MBOAT2: variants seen among roughly 807,000 people sequenced by gnomAD.
MBOAT2 encodes membrane bound glycerophospholipid O-acyltransferase 2, also known as membrane-bound glycerophospholipid O-acyltransferase 2.
Under a neutral mutation model 63.4 loss-of-function variants are expected in MBOAT2, and 28 were observed. The ratio of observed to expected loss-of-function variants is 0.44; its 90% CI spans 0.33 to 0.61. The LOEUF is 0.61. Ranked by LOEUF, MBOAT2 falls within the 20% of genes least tolerant of loss-of-function variation. The pLI is 0.03. For missense variants in MBOAT2, 470 were observed against 605.8 expected (o/e 0.78, Z 2.35); for synonymous variants, 211 against 215.6 (o/e 0.98, Z 0.19).
At chr2:8,970,269 T>A (rs1308002086) in intron 1 of MBOAT2, among the ~76,000 whole-genome samples, 1 of 152,230 alleles carries the variant, frequency 6.6e-6, no homozygotes, top group Non-Finnish European at 1.5e-5. Context: ...CCTGAATGAT[T>A]ACTGGGTACA....
At chr2:8,951,665 G>A (rs146370643) in intron 2 of MBOAT2, among the ~76,000 whole-genome samples, 7 of 152,254 alleles carry the variant, frequency 4.6e-5, no homozygotes, top group African/African-American at 1.7e-4. Context: ...TTAAGAGACT[G>A]TGTATTTCCA....
intron 1 of MBOAT2, among the ~76,000 whole-genome samples, chr2:8,971,620 A>T (rs1300446857): frequency 6.6e-6 from 1 of 152,214 alleles, no homozygotes; most frequent in African/African-American, 2.4e-5. Context: ...AGAAAACCCC[A>T]TCGTCTCAGC....
chr2:8,874,543 T>A (rs981199739), intron 7 of MBOAT2, among the ~76,000 whole-genome samples: 5 of 152,130 alleles, frequency 3.3e-5, no homozygotes, highest in Admixed American at 6.5e-5. Flanking sequence ...GGTTCTGAAG[T>A]AGGGCAGGGA....
At chr2:8,864,404 G>A (rs540759518) in intron 9 of MBOAT2, among the ~76,000 whole-genome samples, 170 bp from the exon 10 acceptor site, 6 of 151,786 alleles carry the variant, frequency 4.0e-5, no homozygotes, top group South Asian at 2.1e-4. Context: ...ATCATTCTAC[G>A]TAAGACAAGT....
At chr2:8,866,481 A>G (rs899653427) in intron 9 of MBOAT2, among the ~76,000 whole-genome samples, 5 of 152,238 alleles carry the variant, frequency 3.3e-5, no homozygotes, top group African/African-American at 4.8e-5. Context: ...TTTATTGCCA[A>G]CATTGTTGTT....
chr2:8,904,238 T>G (rs1270146505), intron 4 of MBOAT2, among the ~76,000 whole-genome samples: 1 of 152,114 alleles, frequency 6.6e-6, no homozygotes, highest in Non-Finnish European at 1.5e-5. Flanking sequence ...CCTCCCAAAG[T>G]GCTAAGATTG....
intron 1 of MBOAT2, among the ~76,000 whole-genome samples, chr2:8,984,410 T>A (rs1671410988): frequency 6.6e-6 from 1 of 152,336 alleles, no homozygotes; most frequent in Non-Finnish European, 1.5e-5. Flanking sequence ...CATACATACA[T>A]ACGTTTGTGG....
At chr2:8,961,784 G>A (rs1323979687) in intron 1 of MBOAT2, among the ~76,000 whole-genome samples, 1 of 152,132 alleles carries the variant, frequency 6.6e-6, no homozygotes, top group Non-Finnish European at 1.5e-5. Context: ...TCCACCCGCA[G>A]GGGGCATAAT....
Position 8,882,556 on chromosome 2 carries a change from C to G in MBOAT2, c.461G>C (p.Arg154Pro), listed in dbSNP as rs780868284. ...TGAGGAAGTCAGTTCTTCATCCTTCCGAAACATCCCTGAGAAACAAAAATA... is the reference window on the plus strand; with the variant it reads ...TGAGGAAGTCAGTTCTTCATCCTTCGGAAACATCCCTGAGAAACAAAAATA... The part of the protein sequence containing the change: ...LACEIHDGMF[R>P]KDEELTSSQR... The change falls in exon 6 of 13, where the codon CGG becomes CCG. Residue 154 changes from arginine to proline, a missense_variant. By Grantham distance (103) the Arg-to-Pro change is moderately radical (BLOSUM62 -2). This residue lies in a region of MBOAT2 where 376 missense variants were observed against 503.8 expected (regional missense o/e 0.75). Coordinates refer to ENST00000305997, the MANE Select transcript of MBOAT2 (RefSeq NM_138799.4). 2 of 1,614,054 alleles carry G rather than the reference C, an allele frequency of 1.2e-6. No homozygotes were observed. The highest frequency in any genetic ancestry group is 1.7e-6 in the Non-Finnish European group (2 of 1,180,022).
intron 2 of MBOAT2, among the ~76,000 whole-genome samples, chr2:8,950,459 G>A (rs770165013): frequency 7.9e-5 from 12 of 152,148 alleles, no homozygotes; most frequent in South Asian, 4.1e-4. Context: ...ACACAGTCTC[G>A]CTCTGTCACT....
chr2:8,900,828 T>C (rs1236618771), intron 4 of MBOAT2, among the ~76,000 whole-genome samples: 1 of 152,138 alleles, frequency 6.6e-6, no homozygotes, highest in Non-Finnish European at 1.5e-5. Context: ...TTCAGGATAG[T>C]ATTGTAATTT....
At chr2:8,942,431 C>T (rs1268328557) in intron 3 of MBOAT2, among the ~76,000 whole-genome samples, 4 of 152,186 alleles carry the variant, frequency 2.6e-5, no homozygotes, top group Non-Finnish European at 5.9e-5. Flanking sequence ...TTTTATCCAT[C>T]TGTATTCCCA....
At chr2:8,950,608 T>C (rs1212788753) in intron 2 of MBOAT2, among the ~76,000 whole-genome samples, 1 of 152,176 alleles carries the variant, frequency 6.6e-6, no homozygotes, top group South Asian at 2.1e-4. Context: ...TTTGTATTTT[T>C]AGTAGAGACG....
intron 6 of MBOAT2, among the ~76,000 whole-genome samples, chr2:8,879,656 C>T (rs1301054330): frequency 6.6e-6 from 1 of 152,012 alleles, no homozygotes; most frequent in African/African-American, 2.4e-5. Context: ...CACCCCTAGG[C>T]GCTACCCACC....
At chr2:8,971,101 G>A (rs191080961) in intron 1 of MBOAT2, among the ~76,000 whole-genome samples, 26 of 152,238 alleles carry the variant, frequency 1.7e-4, no homozygotes, top group African/African-American at 2.6e-4. Flanking sequence ...GATGAACGTC[G>A]ATGCAAAAAT....
At chr2:8,891,729 G>T (rs1054146101) in intron 4 of MBOAT2, among the ~76,000 whole-genome samples, 5 of 152,192 alleles carry the variant, frequency 3.3e-5, no homozygotes, top group African/African-American at 9.7e-5. Context: ...GTTTCCCTAG[G>T]ATGGAAATGG....
intron 11 of MBOAT2, among the ~76,000 whole-genome samples, chr2:8,861,436 T>C (rs539392123): frequency 6.6e-6 from 1 of 152,110 alleles, no homozygotes; most frequent in South Asian, 2.1e-4. Context: ...TTAGGTACAG[T>C]TTTTAAGCGC....
At chr2:8,943,623 G>A (rs1044101154) in intron 2 of MBOAT2, among the ~76,000 whole-genome samples, 1 of 152,178 alleles carries the variant, frequency 6.6e-6, no homozygotes, top group African/African-American at 2.4e-5. Flanking sequence ...GGATCGTCCT[G>A]ACAGAACATC....
chr2:8,897,169 CTG>C (rs1664542832), intron 4 of MBOAT2, among the ~76,000 whole-genome samples: 2 of 150,776 alleles, frequency 1.3e-5, no homozygotes, highest in African/African-American at 5.0e-5. Context: ...CTTTGACTTT[CTG>C]TGTCTCTTTC....
Sources: allele counts gnomAD v4.1 joint callset (sites outside exome capture counted in the v4.1 genomes callset), GRCh38; gene constraint gnomAD v4.1.1; regional missense constraint gnomAD v4.1.1; transcripts MANE v1.5; gene names NCBI Gene and HGNC (gene_info 2026-07-23, HGNC 2026-07-21).